Variants in CTNNA2 observed in about 807,000 individuals in gnomAD.
CTNNA2 encodes catenin alpha-2.
A neutral mutation model predicts 101.0 loss-of-function variants in CTNNA2; 42 were observed. The ratio of observed to expected loss-of-function variants is 0.42; its 90% CI spans 0.32 to 0.54. CTNNA2 has a LOEUF of 0.54. CTNNA2 is among the 20% of genes least tolerant of loss of function. CTNNA2 has a pLI of 0.14. For missense variants in CTNNA2, 871 were observed against 1,223.1 expected (o/e 0.71, Z 4.29); for synonymous variants, 450 against 456.4 (o/e 0.99, Z 0.18).
chr2:79,547,140 T>C (rs1673785446), intron 1 of CTNNA2: 1 of 152,128 alleles, frequency 6.6e-6, no homozygotes, highest in African/African-American at 2.4e-5. Flanking sequence ...TCTCCATAGG[T>C]AGTACAGGGC....
intron 3 of CTNNA2, among the ~76,000 whole-genome samples, chr2:79,339,248 A>G (rs1677075571): frequency 6.6e-6 from 1 of 152,188 alleles, no homozygotes; most frequent in African/African-American, 2.4e-5. Context: ...AACCAAGATC[A>G]TTTTCATAGA....
At position 80,348,968 on chromosome 2, in the gene CTNNA2, G is replaced by A. The variant is rs115153992; in HGVS notation, c.1057-44243G>A. 8.4e-3 allele frequency among the ~76,000 whole-genome samples: 1,273 copies of A among 152,202 alleles called. 16 individuals carry two copies. The highest frequency in any genetic ancestry group is 0.028 in the African/African-American group (1,176 of 41,520). ...AAGAAAGGAAAAAGTACTACTATCA[G>A]AAATACTAAAAGGTTATTTCAGATT... On this transcript the variant is annotated intron_variant, in intron 7 of 18. Coordinates refer to ENST00000402739, the MANE Select transcript of CTNNA2 (RefSeq NM_001282597.3).
At chr2:79,782,383 C>T (rs1282866161) in intron 3 of CTNNA2, among the ~76,000 whole-genome samples, 7 of 151,974 alleles carry the variant, frequency 4.6e-5, no homozygotes, top group East Asian at 1.9e-4. Flanking sequence ...ATTACAGGTG[C>T]GCGCCACCAT....
rs147231341 is a variant in CTNNA2 at position 80,374,506 on chromosome 2, A to T, written c.1057-18705A>T. 4.5e-3 allele frequency among the ~76,000 whole-genome samples: 682 copies of T among 152,092 alleles called. 6 individuals are homozygous for T. The highest frequency in any genetic ancestry group is 0.016 in the African/African-American group (660 of 41,482). ...CCATGTCTTTGCTGTTGTGAATAAG[A>T]TGGAGACTTATTCACAGAAAACAAC... On this transcript the variant is annotated intron_variant, in intron 7 of 18. Coordinates refer to ENST00000402739, the MANE Select transcript of CTNNA2 (RefSeq NM_001282597.3).
chr2:80,091,251 A>G (rs368668428), intron 7 of CTNNA2, among the ~76,000 whole-genome samples: 1 of 152,094 alleles, frequency 6.6e-6, no homozygotes, highest in East Asian at 1.9e-4. Flanking sequence ...AAGAGCTACA[A>G]TTTATCAATA....
chr2:79,795,959 G>T (rs1370082152), intron 3 of CTNNA2, among the ~76,000 whole-genome samples: 1 of 152,150 alleles, frequency 6.6e-6, no homozygotes, highest in Non-Finnish European at 1.5e-5. Flanking sequence ...TGAGGACATT[G>T]GTCAGTATGT....
chr2:80,530,127 A>C (rs1284557078), intron 9 of CTNNA2, among the ~76,000 whole-genome samples: 2 of 152,140 alleles, frequency 1.3e-5, no homozygotes. Context: ...CCAACAAGGC[A>C]GCAGTGGTTA....
chr2:80,387,552 T>A (rs939878727), intron 7 of CTNNA2, among the ~76,000 whole-genome samples: 9 of 152,090 alleles, frequency 5.9e-5, no homozygotes, highest in African/African-American at 2.2e-4. Flanking sequence ...AAAAAGAAAT[T>A]GTTGAAATAA....
At chr2:79,382,436 C>G (rs1252741927) in intron 4 of CTNNA2, among the ~76,000 whole-genome samples, 4 of 152,072 alleles carry the variant, frequency 2.6e-5, no homozygotes, top group Non-Finnish European at 4.4e-5. Context: ...TTCTGTTTCT[C>G]TGGAGAATCC....
At chr2:79,495,624 C>T (rs1671248507) in intron 4 of CTNNA2, among the ~76,000 whole-genome samples, 1 of 151,982 alleles carries the variant, frequency 6.6e-6, no homozygotes, top group African/African-American at 2.4e-5. Flanking sequence ...GGTGTATACT[C>T]AAGAGGAATT....
chr2:80,291,349 G>A (rs1388137466), intron 7 of CTNNA2, among the ~76,000 whole-genome samples: 1 of 152,164 alleles, frequency 6.6e-6, no homozygotes, highest in African/African-American at 2.4e-5. Context: ...CACCACTACA[G>A]ACCTAAGAAA....
intron 12 of CTNNA2, among the ~76,000 whole-genome samples, chr2:80,568,566 C>CGCGCGTGTGTGTGT (rs375491630): frequency 2.0e-5 from 3 of 149,426 alleles, no homozygotes; most frequent in African/African-American, 7.4e-5. Context: ...TAATGGTGTG[C>CGCGCGTGTGTGTGT]GTGTGTGTGT....
At chr2:79,422,431 A>G (rs1238350819) in intron 4 of CTNNA2, among the ~76,000 whole-genome samples, 1 of 152,178 alleles carries the variant, frequency 6.6e-6, no homozygotes, top group Non-Finnish European at 1.5e-5. Context: ...TACAACACAC[A>G]GGGCAGCACT....
intron 1 of CTNNA2, among the ~76,000 whole-genome samples, chr2:79,571,332 G>A (rs1452107367): frequency 6.6e-6 from 1 of 152,054 alleles, no homozygotes; most frequent in African/African-American, 2.4e-5. Flanking sequence ...TATAATTTCA[G>A]AACAGGAAAG....
chr2:79,195,898 G>A (rs1673954066), intron 1 of CTNNA2: 7 of 490,702 alleles, frequency 1.4e-5, no homozygotes, highest in Non-Finnish European at 2.4e-5. Flanking sequence ...GGGCAGAGGT[G>A]CAGAGGTAGG....
chr2:79,488,541 C>G lies in CTNNA2; in HGVS notation c.-134-16513C>G, dbSNP rs1292264926. ...TGGGCATAAACTACCAAAATCAACT[C>G]ATTTAACTGAGTAACTGAGTATCTT... On this transcript the variant is annotated intron_variant, in intron 4 of 21. Transcript: ENST00000466387. Among the ~76,000 whole-genome samples, 4 of 152,260 alleles carry G rather than the reference C, an allele frequency of 2.6e-5. No individual in the cohort carries two copies. In the East Asian group the frequency reaches 7.7e-4, roughly 29 times the overall value.
At chr2:79,539,188 A>AT (rs1673254858) in intron 1 of CTNNA2, among the ~76,000 whole-genome samples, 1 of 152,230 alleles carries the variant, frequency 6.6e-6, no homozygotes, top group Non-Finnish European at 1.5e-5. Context: ...ATTAAAAAAC[A>AT]GAACCAACAC....
At chr2:79,679,431 T>TA (rs915900365) in intron 2 of CTNNA2, among the ~76,000 whole-genome samples, 1 of 152,078 alleles carries the variant, frequency 6.6e-6, no homozygotes, top group Non-Finnish European at 1.5e-5. Context: ...AGCCCTTTTT[T>TA]ATCCCCTGGC....
intron 4 of CTNNA2, among the ~76,000 whole-genome samples, chr2:79,461,793 C>A (rs1028001502): frequency 2.6e-5 from 4 of 151,792 alleles, no homozygotes; most frequent in Admixed American, 6.6e-5. Flanking sequence ...AAAGTCAAAT[C>A]AGCAATATAA....
Sources: allele counts gnomAD v4.1 joint callset (sites outside exome capture counted in the v4.1 genomes callset), GRCh38; gene constraint gnomAD v4.1.1; transcripts MANE v1.5; gene names NCBI Gene and HGNC (gene_info 2026-07-23, HGNC 2026-07-21).